FHIT: variants seen among roughly 807,000 people sequenced by gnomAD.
FHIT encodes the protein fragile histidine triad diadenosine triphosphatase.
FHIT carries 19 observed loss-of-function variants against 17.9 expected under a neutral mutation model. That is an observed-to-expected ratio of 1.06 (90% CI 0.74 to 1.56). The LOEUF is 1.56. FHIT is among the 40% of genes most tolerant of loss of function. The pLI is 0.00. For synonymous variants in FHIT, 81 were observed against 69.7 expected (o/e 1.16, Z -0.81); for missense variants, 248 against 189.2 (o/e 1.31, Z -1.82).
intron 4 of FHIT, among the ~76,000 whole-genome samples, chr3:60,701,828 AG>A (rs1553702229): frequency 6.6e-6 from 1 of 152,186 alleles, no homozygotes; most frequent in Non-Finnish European, 1.5e-5. Context: ...GTTTTGGGAA[AG>A]GGCTGTTATC....
chr3:60,159,040 T>A (rs1700826274), intron 5 of FHIT, among the ~76,000 whole-genome samples: 1 of 152,118 alleles, frequency 6.6e-6, no homozygotes, highest in African/African-American at 2.4e-5. Context: ...ACCTTTTTCA[T>A]TATTACCCCC....
At chr3:60,804,723 G>T (rs1439984544) in intron 4 of FHIT, among the ~76,000 whole-genome samples, 1 of 152,158 alleles carries the variant, frequency 6.6e-6, no homozygotes, top group Non-Finnish European at 1.5e-5. Context: ...AACTTCTAGA[G>T]ATTCAACCTC....
chr3:59,988,527 C>T (rs182012927), intron 7 of FHIT, among the ~76,000 whole-genome samples: 175 of 152,052 alleles, frequency 1.2e-3, no homozygotes, highest in African/African-American at 4.2e-3. Context: ...ATTCATTCAC[C>T]CATTCATTTA....
At chr3:60,078,434 C>T (rs1331104750) in intron 5 of FHIT, among the ~76,000 whole-genome samples, 1 of 152,058 alleles carries the variant, frequency 6.6e-6, no homozygotes, top group Non-Finnish European at 1.5e-5. Flanking sequence ...AATTAAGAAA[C>T]ATTCTGAAAA....
intron 8 of FHIT, 52 bp from the exon 9 acceptor site, chr3:59,752,373 T>G: frequency 6.9e-7 from 1 of 1,449,392 alleles, no homozygotes; most frequent in Admixed American, 1.9e-5. Flanking sequence ...TGGGATCTCC[T>G]TGAACAAATT....
At chr3:60,579,580 C>T (rs1163715772) in intron 4 of FHIT, among the ~76,000 whole-genome samples, 2 of 152,122 alleles carry the variant, frequency 1.3e-5, no homozygotes, top group Non-Finnish European at 2.9e-5. Flanking sequence ...AATATATAAA[C>T]ACATGTCTAT....
chr3:60,684,941 CT>C (rs1406152989), intron 4 of FHIT, among the ~76,000 whole-genome samples: 2 of 152,140 alleles, frequency 1.3e-5, no homozygotes, highest in African/African-American at 4.8e-5. Flanking sequence ...AAAATATACT[CT>C]GAGCTTTCTT....
intron 5 of FHIT, among the ~76,000 whole-genome samples, chr3:60,514,453 G>C (rs913006641): frequency 6.6e-6 from 1 of 152,162 alleles, no homozygotes; most frequent in African/African-American, 2.4e-5. Flanking sequence ...TCCTGCCAGC[G>C]AAGTGGTCAA....
Position 60,627,003 on chromosome 3 carries a change from T to C in FHIT, c.-17-90024A>G, listed in dbSNP as rs142810721. 4.2e-3 allele frequency among the ~76,000 whole-genome samples: 643 copies of C among 152,250 alleles called. 5 individuals are homozygous for C. The highest frequency in any genetic ancestry group is 0.01 in the Middle Eastern group (3 of 294). ...TGATATGCTATATTACATTTATTAG[T>C]TTTCATATGTTAAAATGATCTTGCA... On this transcript the variant is annotated intron_variant, in intron 4 of 9. Coordinates refer to ENST00000492590, the MANE Select transcript of FHIT (RefSeq NM_002012.4).
At chr3:60,356,482 C>A (rs890231943) in intron 5 of FHIT, among the ~76,000 whole-genome samples, 5 of 152,012 alleles carry the variant, frequency 3.3e-5, no homozygotes, top group African/African-American at 1.2e-4. Context: ...TATATGATAA[C>A]CACAGTAAAA....
chr3:60,250,140 A>G (rs74278852), intron 5 of FHIT, among the ~76,000 whole-genome samples: 24,646 of 152,078 alleles, frequency 0.16, 2,169 homozygotes, highest in Admixed American at 0.25. Context: ...GAAAGAGAAA[A>G]AAAAGAGAAG....
At chr3:61,152,959 C>A (rs555263617) in intron 2 of FHIT, among the ~76,000 whole-genome samples, 13 of 151,924 alleles carry the variant, frequency 8.6e-5, no homozygotes, top group Non-Finnish European at 1.6e-4. Context: ...CTGGCTAACA[C>A]GGTGAAATCC....
At position 61,086,610 on chromosome 3, in the gene FHIT, C is replaced by T. The variant is rs114614434; in HGVS notation, c.-163-44511G>A. Among the ~76,000 whole-genome samples, 1,211 of 152,234 alleles carry T rather than the reference C, an allele frequency of 8.0e-3. 14 individuals are homozygous for T. Among genetic ancestry groups the T allele is most frequent in the African/African-American group, 0.027 (1,140 of 41,540 alleles). The stretch of plus-strand genomic sequence containing the variant: ...AAAAAGAATGAGAATGTTGAAGTCA[C>T]TTCAATGCACCTCCTCCCTCCAGGG... On this transcript the variant is annotated intron_variant, in intron 2 of 9. Transcript: ENST00000492590.
chr3:60,968,537 CG>C (rs1709856814), intron 3 of FHIT, among the ~76,000 whole-genome samples: 1 of 151,618 alleles, frequency 6.6e-6, no homozygotes, highest in Admixed American at 6.6e-5. Context: ...TTCAGCCTCC[CG>C]TGTAGCTGGG....
At chr3:61,031,220 T>G (rs1441304221) in intron 3 of FHIT, among the ~76,000 whole-genome samples, 1 of 152,220 alleles carries the variant, frequency 6.6e-6, no homozygotes, top group Non-Finnish European at 1.5e-5. Flanking sequence ...TTGGTAACCA[T>G]GAGAAGCTTG....
At chr3:60,372,887 G>T (rs1194709020) in intron 5 of FHIT, among the ~76,000 whole-genome samples, 3 of 152,226 alleles carry the variant, frequency 2.0e-5, no homozygotes, top group Non-Finnish European at 4.4e-5. Flanking sequence ...GAAATCAAAT[G>T]ACTTAGGCTG....
intron 5 of FHIT, among the ~76,000 whole-genome samples, chr3:60,445,718 C>T (rs2031285811): frequency 6.6e-6 from 1 of 151,656 alleles, no homozygotes; most frequent in South Asian, 2.1e-4. Context: ...ACACGATTTT[C>T]TTTCTTTGTA....
chr3:60,744,330 C>T (rs190675743), intron 4 of FHIT, among the ~76,000 whole-genome samples: 142 of 148,932 alleles, frequency 9.5e-4, no homozygotes, highest in Non-Finnish European at 1.7e-3. Flanking sequence ...AGAATTCCAT[C>T]TCTCCTTGCA....
intron 5 of FHIT, among the ~76,000 whole-genome samples, chr3:60,252,831 A>T (rs1358723030): frequency 2.0e-5 from 3 of 150,946 alleles, no homozygotes; most frequent in Non-Finnish European, 4.4e-5. Context: ...TCAACTTAAA[A>T]AAAAATACAA....
Sources: gnomAD v4.1 joint callset for allele counts (sites outside exome capture counted in the v4.1 genomes callset) on GRCh38, gnomAD v4.1.1 for gene constraint, MANE v1.5 for transcripts, NCBI Gene and HGNC (gene_info 2026-07-23, HGNC 2026-07-21) for gene names.